AIG1: variants seen among roughly 807,000 people sequenced by gnomAD.
The protein encoded by AIG1 is androgen induced 1.
A neutral mutation model predicts 31.4 loss-of-function variants in AIG1; 23 were observed. The ratio of observed to expected loss-of-function variants is 0.73; its 90% CI spans 0.53 to 1.04. The LOEUF (loss-of-function observed/expected upper bound fraction) is 1.04. AIG1 is among the 50% of genes least tolerant of loss of function. AIG1 has a pLI of 0.00. For missense variants in AIG1, 274 were observed against 295.0 expected (o/e 0.93, Z 0.52); for synonymous variants, 100 against 110.5 (o/e 0.90, Z 0.60).
intron 3 of AIG1, among the ~76,000 whole-genome samples, chr6:143,195,394 A>G (rs1790141404): frequency 6.6e-6 from 1 of 152,232 alleles, no homozygotes; most frequent in Non-Finnish European, 1.5e-5. Context: ...TGTGAGTACA[A>G]TGATTAGTTT....
At chr6:143,116,649 C>T (rs1781764368) in intron 1 of AIG1, among the ~76,000 whole-genome samples, 1 of 149,058 alleles carries the variant, frequency 6.7e-6, no homozygotes, top group African/African-American at 2.5e-5. Flanking sequence ...GGGGATGGCA[C>T]CAGGTTCAAG....
intron 3 of AIG1, among the ~76,000 whole-genome samples, chr6:143,185,459 G>T (rs1373915969): frequency 6.6e-6 from 1 of 152,124 alleles, no homozygotes; most frequent in Non-Finnish European, 1.5e-5. Context: ...GAGCTGAGTG[G>T]TTGCAGAGCC....
At chr6:143,263,448 T>C (rs1320748213) in intron 3 of AIG1, among the ~76,000 whole-genome samples, 1 of 152,182 alleles carries the variant, frequency 6.6e-6, no homozygotes, top group Non-Finnish European at 1.5e-5. Flanking sequence ...AAACACTTTA[T>C]TCAAATATTT....
At chr6:143,185,913 A>G (rs1324491493) in intron 3 of AIG1, among the ~76,000 whole-genome samples, 2 of 152,098 alleles carry the variant, frequency 1.3e-5, no homozygotes, top group Admixed American at 1.3e-4. Context: ...AATTTTCTAC[A>G]TCCTTCAGTG....
At chr6:143,153,033 C>T (rs968193414) in intron 2 of AIG1, among the ~76,000 whole-genome samples, 1 of 152,164 alleles carries the variant, frequency 6.6e-6, no homozygotes, top group African/African-American at 2.4e-5. Flanking sequence ...CACGGGATGA[C>T]ACAGGGTACA....
At chr6:143,321,925 A>G (rs1250792091) in intron 4 of AIG1, among the ~76,000 whole-genome samples, 1 of 152,218 alleles carries the variant, frequency 6.6e-6, no homozygotes, top group Non-Finnish European at 1.5e-5. Context: ...CATCTACTTC[A>G]TAGACTGCTG....
At chr6:143,320,578 A>G (rs1776125076) in intron 4 of AIG1, among the ~76,000 whole-genome samples, 1 of 152,210 alleles carries the variant, frequency 6.6e-6, no homozygotes, top group Non-Finnish European at 1.5e-5. Flanking sequence ...CCGAAATGAC[A>G]TTATTCTGAG....
chr6:143,222,223 T>C (rs9403466), intron 3 of AIG1, among the ~76,000 whole-genome samples: 14,714 of 152,134 alleles, frequency 0.097, 765 homozygotes, highest in East Asian at 0.17. Context: ...AGTGGAAGAT[T>C]CTTCAGGAAA....
At chr6:143,114,811 G>A (rs907457502) in intron 1 of AIG1, among the ~76,000 whole-genome samples, 7 of 152,120 alleles carry the variant, frequency 4.6e-5, no homozygotes, top group African/African-American at 1.4e-4. Context: ...ATAAATTTGA[G>A]GTTATGTTAT....
intron 2 of AIG1, among the ~76,000 whole-genome samples, chr6:143,154,053 C>T (rs1207229607): frequency 6.6e-6 from 1 of 151,674 alleles, no homozygotes; most frequent in East Asian, 1.9e-4. Flanking sequence ...GAGTTCGTGA[C>T]CAGACTGGAA....
chr6:143,151,906 T>G (rs1215943567), intron 2 of AIG1, among the ~76,000 whole-genome samples: 4 of 152,218 alleles, frequency 2.6e-5, no homozygotes, highest in Non-Finnish European at 5.9e-5. Flanking sequence ...CAGTAGGGAT[T>G]GACTGGCTTG....
intron 3 of AIG1, among the ~76,000 whole-genome samples, chr6:143,239,555 C>A (rs1794075136): frequency 6.6e-6 from 1 of 152,208 alleles, no homozygotes; most frequent in Non-Finnish European, 1.5e-5. Context: ...TGTGTTCTAT[C>A]TCCCACCTCT....
chr6:143,213,508 C>CTTTTT (rs746350692), intron 3 of AIG1, among the ~76,000 whole-genome samples: 12 of 61,200 alleles, frequency 2.0e-4, no homozygotes, highest in Non-Finnish European at 3.1e-4. Flanking sequence ...TTTCTTTCTT[C>CTTTTT]TTTTTTTTTT....
chr6:143,337,593 T>C (rs941390609), intron 5 of AIG1, among the ~76,000 whole-genome samples: 10 of 152,354 alleles, frequency 6.6e-5, no homozygotes, highest in African/African-American at 2.2e-4. Context: ...AGCTACATTT[T>C]GTAAGACCAG....
chr6:143,342,186 G>A (rs1777870902), downstream of AIG1: 2 of 618,226 alleles, frequency 3.2e-6, no homozygotes, highest in South Asian at 1.7e-5. Context: ...GCCTCTCAAA[G>A]TACTGGGATT....
At chr6:143,283,935 G>A (rs1012018745) in intron 3 of AIG1, among the ~76,000 whole-genome samples, 175 bp from the exon 4 acceptor site, 2 of 152,258 alleles carry the variant, frequency 1.3e-5, no homozygotes, top group African/African-American at 2.4e-5. Flanking sequence ...TATTAATGGA[G>A]CAATCAACGC....
rs1439203092 is a variant in AIG1, at chr6:143,331,577, A to AT, written c.516-1704dup. On this transcript the variant is annotated intron_variant, in intron 4 of 5. Coordinates refer to ENST00000357847, the MANE Select transcript of AIG1 (RefSeq NM_016108.4). The surrounding 1 kb of genome is among the most constrained non-coding windows in gnomAD (Gnocchi z 4.1). ...CTGAGTAATATTCCATTGCATGCAT[A>AT]TGCCACATTTGATTGTTTGTTCACC... 6.6e-6 allele frequency among the ~76,000 whole-genome samples: 1 copy of AT among 152,102 alleles called. No homozygotes were observed. The highest frequency in any genetic ancestry group is 2.4e-5 in the African/African-American group (1 of 41,412).
chr6:143,244,545 A>T (rs952073268), intron 3 of AIG1, among the ~76,000 whole-genome samples: 5 of 152,198 alleles, frequency 3.3e-5, no homozygotes, highest in African/African-American at 9.7e-5. Flanking sequence ...TCACATGGGT[A>T]TGGGCTTTAA....
At chr6:143,317,685 G>T (rs1289145454) in intron 4 of AIG1, among the ~76,000 whole-genome samples, 2 of 150,198 alleles carry the variant, frequency 1.3e-5, no homozygotes, top group African/African-American at 4.9e-5. Context: ...ATCCAAATTG[G>T]TATAGAGGAA....
Sources: gnomAD v4.1 joint callset for allele counts (sites outside exome capture counted in the v4.1 genomes callset) on GRCh38, gnomAD v4.1.1 for gene constraint, Gnocchi (gnomAD v3.1) non-coding constraint, MANE v1.5 for transcripts, NCBI Gene and HGNC (gene_info 2026-07-23, HGNC 2026-07-21) for gene names.